The following ADAMTSL3 variants were observed in gnomAD, a reference collection of about 807,000 sequenced individuals.
The protein encoded by ADAMTSL3 is ADAMTS-like protein 3.
A neutral mutation model predicts 201.7 loss-of-function variants in ADAMTSL3; 128 were observed. The observed-to-expected ratio is 0.63, with a 90% CI of 0.55 to 0.73. The LOEUF (loss-of-function observed/expected upper bound fraction) is 0.73. Ranked by LOEUF, ADAMTSL3 falls within the 30% of genes least tolerant of loss-of-function variation. ADAMTSL3 has a pLI of 0.00. For synonymous variants in ADAMTSL3, 738 were observed against 748.4 expected (o/e 0.99, Z 0.23); for missense variants, 1,990 against 2,119.6 (o/e 0.94, Z 1.20).
intron 17 of ADAMTSL3, among the ~76,000 whole-genome samples, chr15:83,938,225 A>G (rs1276080402): frequency 2.0e-5 from 3 of 152,160 alleles, no homozygotes; most frequent in Admixed American, 6.5e-5. Flanking sequence ...GGTTAAGTCT[A>G]GAGTTGTTAA....
At chr15:83,733,395 T>G (rs970433698) in intron 3 of ADAMTSL3, among the ~76,000 whole-genome samples, 1 of 152,136 alleles carries the variant, frequency 6.6e-6, no homozygotes, top group African/African-American at 2.4e-5. Flanking sequence ...GACTTAGTCA[T>G]GGGTGTCTAC....
chr15:83,726,967 G>A (rs2554388), intron 3 of ADAMTSL3, among the ~76,000 whole-genome samples: 30,378 of 151,720 alleles, frequency 0.2, 3,972 homozygotes, highest in Middle Eastern at 0.36. Flanking sequence ...AGTAGGGTTA[G>A]TATTAGTTCT....
At chr15:83,857,888 A>G (rs61112020) in intron 7 of ADAMTSL3, among the ~76,000 whole-genome samples, 2,507 of 152,326 alleles carry the variant, frequency 0.016, 77 homozygotes, top group African/African-American at 0.056. Context: ...AGTTTCATTT[A>G]GAAACAGACA....
chr15:83,738,835 G>A (rs1165963964), intron 3 of ADAMTSL3, among the ~76,000 whole-genome samples: 1 of 152,014 alleles, frequency 6.6e-6, no homozygotes, highest in Non-Finnish European at 1.5e-5. Flanking sequence ...GGTGGAGGTT[G>A]CATTGAGCCG....
intron 23 of ADAMTSL3, among the ~76,000 whole-genome samples, chr15:84,007,668 C>G (rs1220264030): frequency 6.6e-6 from 1 of 152,118 alleles, no homozygotes; most frequent in African/African-American, 2.4e-5. Context: ...CATAAAACAT[C>G]ATAAGCAGTT....
At chr15:83,906,139 CTT>C (rs1037156880) in intron 15 of ADAMTSL3, among the ~76,000 whole-genome samples, 1 of 152,050 alleles carries the variant, frequency 6.6e-6, no homozygotes, top group African/African-American at 2.4e-5. Context: ...ATTACTGTGT[CTT>C]TTAAATACTT....
At chr15:83,867,856 A>G (rs928511015) in intron 8 of ADAMTSL3, among the ~76,000 whole-genome samples, 1 of 152,182 alleles carries the variant, frequency 6.6e-6, no homozygotes, top group Non-Finnish European at 1.5e-5. Flanking sequence ...ACTAGAAGCA[A>G]TTAGAAGCAT....
At chr15:84,031,547 G>A in intron 28 of ADAMTSL3, 115 bp downstream of exon 28, 3 of 881,126 alleles carry the variant, frequency 3.4e-6, no homozygotes, top group Non-Finnish European at 5.4e-6. Context: ...ATAATTGACA[G>A]TTTTCAATTA....
At chr15:83,914,430 CCTGT>C (rs1309369478) in intron 16 of ADAMTSL3, among the ~76,000 whole-genome samples, 2 of 152,202 alleles carry the variant, frequency 1.3e-5, no homozygotes, top group Admixed American at 6.5e-5. Context: ...TTTTCTCTTT[CCTGT>C]CTAATTCAAC....
In ADAMTSL3 at chr15:83,743,519, C is replaced by CAAAAAAAA. The variant is rs759218799; in HGVS notation, c.190-29988_190-29981dup. 8.8e-5 allele frequency among the ~76,000 whole-genome samples: 5 copies of CAAAAAAAA among 57,094 alleles called. No homozygotes were observed. In the East Asian group the frequency reaches 2.0e-3, roughly 23 times the overall value. The allele number at this position is 57,094 out of a possible 152,430, so 37.5% of individuals were successfully genotyped here. On this transcript the variant is annotated intron_variant, in intron 3 of 29. Transcript: ENST00000286744. ...TGGGAGACAGAGCGAGACTCCGTCT[C>CAAAAAAAA]AAAAAAAAAAAAAAAAAAAAAAAGT...
In ADAMTSL3 at chr15:83,983,460, T is replaced by G. The variant is rs556014657; in HGVS notation, c.3716+116T>G. ...TAAGCATGTGTTTCCAACAGGATTC[T>G]TTAGGAAAGAAACTAAAAAATGTTA... On this transcript the variant is annotated intron_variant, in intron 21 of 29. Transcript: ENST00000286744. The G allele has an allele frequency of 8.5e-6, 7 of 827,604 alleles. No homozygotes were observed. In the East Asian group the frequency reaches 1.7e-4, roughly 20 times the overall value. The allele number at this position is 827,604 out of a possible 1,614,324, so 51.3% of individuals were successfully genotyped here.
At chr15:83,657,554 AC>A (rs2061105454) in intron 2 of ADAMTSL3, among the ~76,000 whole-genome samples, 1 of 152,236 alleles carries the variant, frequency 6.6e-6, no homozygotes, top group Non-Finnish European at 1.5e-5. Context: ...ATTAGTATAG[AC>A]CTCAGAATTG....
chr15:83,958,691 A>T (rs2066902563), intron 19 of ADAMTSL3, among the ~76,000 whole-genome samples: 1 of 152,230 alleles, frequency 6.6e-6, no homozygotes, highest in African/African-American at 2.4e-5. Context: ...ATGAAAATAT[A>T]CTCAGTGTTA....
At chr15:83,919,154 A>G (rs1441543723) in intron 16 of ADAMTSL3, among the ~76,000 whole-genome samples, 1 of 152,140 alleles carries the variant, frequency 6.6e-6, no homozygotes, top group African/African-American at 2.4e-5. Context: ...TGTGAGTCTG[A>G]AGTGAAGAGG....
At chr15:84,013,131 T>C (rs1467630650) in intron 23 of ADAMTSL3, among the ~76,000 whole-genome samples, 1 of 152,200 alleles carries the variant, frequency 6.6e-6, no homozygotes, top group Non-Finnish European at 1.5e-5. Flanking sequence ...TAGATAACAG[T>C]TTCCTCCAAA....
intron 27 of ADAMTSL3, among the ~76,000 whole-genome samples, chr15:84,026,285 T>C (rs2068305459): frequency 6.6e-6 from 1 of 152,054 alleles, no homozygotes; most frequent in East Asian, 1.9e-4. Flanking sequence ...ATAGAAGATA[T>C]AAAACTACAA....
At chr15:84,003,539 G>T (rs1466078243) in intron 23 of ADAMTSL3, among the ~76,000 whole-genome samples, 1 of 152,098 alleles carries the variant, frequency 6.6e-6, no homozygotes, top group African/African-American at 2.4e-5. Flanking sequence ...TTGGCTCCTC[G>T]TATTGGTGTC....
chr15:83,853,501 T>TC (rs1245805902), intron 7 of ADAMTSL3, among the ~76,000 whole-genome samples: 1 of 152,176 alleles, frequency 6.6e-6, no homozygotes, highest in Non-Finnish European at 1.5e-5. Flanking sequence ...TTATTTTATA[T>TC]ACAGAATTTT....
chr15:83,719,699 C>G (rs768804132), intron 3 of ADAMTSL3, among the ~76,000 whole-genome samples: 7 of 152,060 alleles, frequency 4.6e-5, no homozygotes, highest in Non-Finnish European at 7.4e-5. Flanking sequence ...ACTTTTCTGT[C>G]TACCTTTATG....
Sources: gnomAD v4.1 joint callset for allele counts (sites outside exome capture counted in the v4.1 genomes callset) on GRCh38, gnomAD v4.1.1 for gene constraint, MANE v1.5 for transcripts, NCBI Gene and HGNC (gene_info 2026-07-23, HGNC 2026-07-21) for gene names.